DMXL1: variants seen among roughly 807,000 people sequenced by gnomAD.
DMXL1 encodes Dmx like 1.
Under a neutral mutation model 319.2 loss-of-function variants are expected in DMXL1, and 99 were observed. That is an observed-to-expected ratio of 0.31 (90% CI 0.26 to 0.37). The LOEUF is 0.37. DMXL1 is among the 10% of genes least tolerant of loss of function. DMXL1 has a pLI of 1.00. For missense variants in DMXL1, 3,745 were observed against 3,595.6 expected (o/e 1.04, Z -1.06); for synonymous variants, 1,385 against 1,235.2 (o/e 1.12, Z -2.54).
intron 28 of DMXL1, among the ~76,000 whole-genome samples, chr5:119,181,704 C>T (rs1198913597): frequency 6.6e-6 from 1 of 152,074 alleles, no homozygotes; most frequent in East Asian, 1.9e-4. Context: ...CCCAGCTACT[C>T]AGGAGGCTGA....
rs185533180 is a variant in DMXL1 at position 119,153,868 on chromosome 5, G to A, written c.4702+1832G>A. 1.5e-4 allele frequency among the ~76,000 whole-genome samples: 23 copies of A among 152,320 alleles called. No individual in the cohort carries two copies. In the East Asian group the frequency reaches 4.0e-3, roughly 27 times the overall value. Reference sequence around the variant, plus strand: ...TACAAATTGAAGCTTTGTGGCAACCGTTTGTTGAGCAAGTCTTTCAGCACC... The same window carrying A: ...TACAAATTGAAGCTTTGTGGCAACCATTTGTTGAGCAAGTCTTTCAGCACC... On this transcript the variant is annotated intron_variant, in intron 19 of 43. Coordinates refer to ENST00000539542, the MANE Select transcript of DMXL1 (RefSeq NM_001290321.3).
At position 119,127,713 on chromosome 5, in the gene DMXL1, A is replaced by G. The variant is rs1237535888; in HGVS notation, c.1103-1498A>G. The G allele has an allele frequency of 2.3e-5, 5 of 216,592 alleles. No individual in the cohort carries two copies. In the East Asian group the frequency reaches 4.6e-4, roughly 20 times the overall value. The allele number at this position is 216,592 out of a possible 1,614,324, so 13.4% of individuals were successfully genotyped here. A position where few individuals can be genotyped will look rare whatever the true frequency, so the allele number is the denominator to read the frequency against. ...TCTGGCCTCCCAGAGTGCTGGGATT[A>G]CAGACATGAGCTGCTGCACCCAGCC... is the stretch of plus-strand genomic sequence containing the variant. On this transcript the variant is annotated intron_variant, in intron 9 of 43. Coordinates refer to ENST00000539542, the MANE Select transcript of DMXL1 (RefSeq NM_001290321.3).
At chr5:119,227,592 A>C (rs1477362606) in intron 38 of DMXL1, among the ~76,000 whole-genome samples, 4 of 151,942 alleles carry the variant, frequency 2.6e-5, no homozygotes, top group Admixed American at 2.0e-4. Flanking sequence ...ATATATGTAC[A>C]GTACCAGGCC....
At chr5:119,200,325 T>C (rs1233953223) in intron 32 of DMXL1, among the ~76,000 whole-genome samples, 25 of 152,154 alleles carry the variant, frequency 1.6e-4, no homozygotes, top group Admixed American at 1.6e-3. Flanking sequence ...ATTTATAGAA[T>C]AGGGAGTCTT....
intron 30 of DMXL1, 54 bp from the exon 31 acceptor site, chr5:119,196,317 T>C: frequency 7.3e-7 from 1 of 1,366,672 alleles, no homozygotes; most frequent in Non-Finnish European, 1.0e-6. Context: ...GGTAGTATAC[T>C]CTTCTAAATC....
chr5:119,238,294 G>T (rs1788123170), intron 40 of DMXL1, among the ~76,000 whole-genome samples: 1 of 151,874 alleles, frequency 6.6e-6, no homozygotes, highest in South Asian at 2.1e-4. Context: ...TGGCTCAAAG[G>T]AATAATCTTT....
chr5:119,217,401 C>A (rs1166628895), intron 35 of DMXL1, among the ~76,000 whole-genome samples: 1 of 152,092 alleles, frequency 6.6e-6, no homozygotes, highest in African/African-American at 2.4e-5. Flanking sequence ...GATAGCTGCC[C>A]AACGTGTGTA....
chr5:119,125,868 T>A (rs759757044), intron 9 of DMXL1, among the ~76,000 whole-genome samples: 1 of 152,210 alleles, frequency 6.6e-6, no homozygotes, highest in Admixed American at 6.5e-5. Context: ...CTGGCCAATA[T>A]ATATTTAAAA....
At chr5:119,105,329 A>T in intron 4 of DMXL1, 71 bp downstream of exon 4, 1 of 1,233,278 alleles carries the variant, frequency 8.1e-7, no homozygotes, top group Non-Finnish European at 1.2e-6. Context: ...TATTACTCTT[A>T]TGTATTTCAC....
chr5:119,124,145 C>T (rs981578488), intron 9 of DMXL1, among the ~76,000 whole-genome samples: 1 of 150,994 alleles, frequency 6.6e-6, no homozygotes, highest in Non-Finnish European at 1.5e-5. Context: ...CCCGTCTCTA[C>T]CAAAAATACA....
Position 119,233,347 on chromosome 5 carries a change from A to C in DMXL1, c.8346A>C (p.Thr2782=). The C allele has an allele frequency of 6.2e-7, 1 of 1,612,094 alleles. No homozygotes were observed. Among genetic ancestry groups the C allele is most frequent in the East Asian group, 2.2e-5 (1 of 44,766 alleles). The change falls in exon 39 of 44, where the codon ACA becomes ACC. Residue 2782 remains threonine (T), a synonymous_variant. Transcript: ENST00000539542. Reference sequence around the variant, plus strand: ...TGCCCTCTTGTAATGCAGATCTGACAGGAGCTCAAGATGGAAGTGTCAGAA... The same window carrying C: ...TGCCCTCTTGTAATGCAGATCTGACCGGAGCTCAAGATGGAAGTGTCAGAA... ...TSHPTLPYYL[T]GAQDGSVRMF...
rs765149895 is a variant in DMXL1 at position 119,110,120 on chromosome 5, A to G, written c.365-31A>G. 3 of 1,557,782 alleles carry G rather than the reference A, an allele frequency of 1.9e-6. No individual in the cohort carries two copies. In the Admixed American group the frequency reaches 6.0e-5, roughly 31 times the overall value. On this transcript the variant is annotated intron_variant, in intron 4 of 43. Transcript: ENST00000539542. The stretch of plus-strand genomic sequence containing the variant: ...AAATTAAGTCACTATTAAATACCTA[A>G]ATAATAAATGAGGAATAATATTTTT...
At chr5:119,141,624 A>C (rs1028772932) in intron 13 of DMXL1, among the ~76,000 whole-genome samples, 8 of 152,168 alleles carry the variant, frequency 5.3e-5, no homozygotes, top group African/African-American at 1.9e-4. Flanking sequence ...CATGGGAAAA[A>C]CATCCTATGT....
intron 7 of DMXL1, among the ~76,000 whole-genome samples, chr5:119,117,292 C>T (rs1259882910): frequency 3.3e-5 from 5 of 152,194 alleles, no homozygotes; most frequent in Non-Finnish European, 1.5e-5. Context: ...CTGCCTGCCT[C>T]AGTCTCCCAA....
At position 119,144,577 on chromosome 5, in the gene DMXL1, C is replaced by G. The variant is rs1271512087; in HGVS notation, c.2508C>G (p.Asp836Glu). Reference sequence around the variant, plus strand: ...AACTGCTTCATGTTTTTGAAGAAGACTTCATTTTGAATAACCTTGAGAAGA... The same window carrying G: ...AACTGCTTCATGTTTTTGAAGAAGAGTTCATTTTGAATAACCTTGAGAAGA... ...KTQLLHVFEE[D>E]FILNNLEKKS... Residue 836 changes from aspartate (D) to glutamate (E), a missense_variant, in exon 15 of 44, where the codon GAC becomes GAG. This residue lies in a region of DMXL1 where 2,096 missense variants were observed against 1,985.4 expected (regional missense o/e 1.06). Transcript: ENST00000539542. 40 of 1,601,772 alleles carry G rather than the reference C, an allele frequency of 2.5e-5. No homozygotes were observed. The highest frequency in any genetic ancestry group is 3.3e-5 in the Non-Finnish European group (39 of 1,176,160).
intron 9 of DMXL1, 105 bp from the exon 10 acceptor site, chr5:119,129,106 T>A (rs534042695): frequency 1.4e-6 from 1 of 731,048 alleles, no homozygotes; most frequent in East Asian, 2.8e-5. Flanking sequence ...AGAAGGACTT[T>A]CAGGCAAACA....
intron 4 of DMXL1, 83 bp from the exon 5 acceptor site, chr5:119,110,068 T>C: frequency 1.5e-6 from 2 of 1,293,684 alleles, no homozygotes; most frequent in Non-Finnish European, 2.1e-6. Context: ...TTTTAGAAGT[T>C]GTTTTATATG....
At chr5:119,189,927 A>G (rs1778412700) in intron 29 of DMXL1, 41 bp downstream of exon 29, 3 of 1,544,482 alleles carry the variant, frequency 1.9e-6, no homozygotes, top group Non-Finnish European at 2.7e-6. Context: ...TCATAGTCAA[A>G]TAGAAATGAG....
chr5:119,075,992 TTTTTTC>T (rs1450652320), intron 1 of DMXL1, among the ~76,000 whole-genome samples: 1 of 152,240 alleles, frequency 6.6e-6, no homozygotes, highest in African/African-American at 2.4e-5. Flanking sequence ...ATGATACTTT[TTTTTTC>T]TTTTTCTTTT....
Sources: allele counts gnomAD v4.1 joint callset (sites outside exome capture counted in the v4.1 genomes callset), GRCh38; gene constraint gnomAD v4.1.1; regional missense constraint gnomAD v4.1.1; transcripts MANE v1.5; gene names NCBI Gene and HGNC (gene_info 2026-07-23, HGNC 2026-07-21).